HIVEP1: variants seen among roughly 807,000 people sequenced by gnomAD.
HIVEP1 encodes the protein zinc finger protein 40.
A neutral mutation model predicts 180.0 loss-of-function variants in HIVEP1; 36 were observed. The observed-to-expected ratio is 0.20, with a 90% CI of 0.15 to 0.26. The LOEUF is 0.26. HIVEP1 is among the 10% of genes least tolerant of loss of function. The pLI is 1.00. For missense variants in HIVEP1, 3,143 were observed against 3,268.7 expected (o/e 0.96, Z 0.94); for synonymous variants, 1,239 against 1,239.0 (o/e 1.00, Z 0.00).
chr6:12,032,697 A>G (rs1769034023), intron 2 of HIVEP1, among the ~76,000 whole-genome samples: 1 of 152,194 alleles, frequency 6.6e-6, no homozygotes, highest in South Asian at 2.1e-4. Context: ...GTAGCTATTC[A>G]GCAAACGTTT....
intron 3 of HIVEP1, among the ~76,000 whole-genome samples, chr6:12,111,079 C>A (rs1022593420): frequency 1.1e-4 from 17 of 152,178 alleles, no homozygotes; most frequent in Admixed American, 6.5e-4. Flanking sequence ...TACTGTGTTA[C>A]ATGGGCACAA....
Position 12,042,382 on chromosome 6 carries a change from C to CTTT in HIVEP1, c.40+26728_40+26730dup, listed in dbSNP as rs11317475. Reference sequence around the variant, plus strand: ...AGGCGTGAGCCACCGCACCCGGCCGCTTTTTTTTTTTTTTTTGAGACAGAG... The same window carrying CTTT: ...AGGCGTGAGCCACCGCACCCGGCCGCTTTTTTTTTTTTTTTTTTTGAGACAGAG... On this transcript the variant is annotated intron_variant, in intron 2 of 8. Coordinates refer to ENST00000379388, the MANE Select transcript of HIVEP1 (RefSeq NM_002114.4). Among the ~76,000 whole-genome samples the CTTT allele has an allele frequency of 1.8e-4, 24 of 133,402 alleles. No individual in the cohort carries two copies. The South Asian group carries it at 3.4e-3, about 19-fold the overall frequency. The allele number at this position is 133,402 out of a possible 152,430, so 87.5% of individuals were successfully genotyped here.
intron 7 of HIVEP1, among the ~76,000 whole-genome samples, chr6:12,147,079 G>T (rs578211012): frequency 5.9e-5 from 9 of 152,258 alleles, no homozygotes; most frequent in Non-Finnish European, 1.2e-4. Flanking sequence ...GAGGAATAGG[G>T]TATAAGAGTG....
Position 12,120,683 on chromosome 6 carries a change from A to G in HIVEP1, c.888A>G (p.Gln296=). ...AACACTTTGTTCCCAAATCCAACCA[A>G]CATAATCAACAGCTTCCGGGGTGTT... ...QHEHFVPKSN[Q]HNQQLPGCSG... is the part of the protein sequence containing the mutation. Residue 296 remains glutamine, a synonymous_variant, in exon 4 of 9, where the codon CAA becomes CAG. Transcript: ENST00000379388. 1 of 1,614,154 alleles carries G rather than the reference A, an allele frequency of 6.2e-7. No individual in the cohort carries two copies. Among genetic ancestry groups the G allele is most frequent in the Non-Finnish European group, 8.5e-7 (1 of 1,180,026 alleles).
At chr6:12,100,289 G>T (rs778124216) in intron 3 of HIVEP1, among the ~76,000 whole-genome samples, 10 of 152,290 alleles carry the variant, frequency 6.6e-5, no homozygotes, top group Non-Finnish European at 1.2e-4. Flanking sequence ...GCTTAGAGGG[G>T]TTGGTTGGGG....
At chr6:12,137,361 G>T (rs1280187609) in intron 7 of HIVEP1, among the ~76,000 whole-genome samples, 1 of 152,120 alleles carries the variant, frequency 6.6e-6, no homozygotes, top group Admixed American at 6.5e-5. Flanking sequence ...TTGCATAGGA[G>T]AATTATAGTT....
intron 3 of HIVEP1, among the ~76,000 whole-genome samples, chr6:12,095,576 T>G (rs1256133533): frequency 4.6e-5 from 7 of 151,586 alleles, no homozygotes; most frequent in Non-Finnish European, 7.4e-5. Context: ...TTAATTGTTT[T>G]TTAAAACCAT....
intron 7 of HIVEP1, among the ~76,000 whole-genome samples, chr6:12,146,355 A>G (rs1228956551): frequency 6.6e-6 from 1 of 152,206 alleles, no homozygotes; most frequent in Non-Finnish European, 1.5e-5. Flanking sequence ...AGGCAAGAGA[A>G]TTGCTTGAAC....
At chr6:12,194,018 C>G in the HIVEP1 span, among the ~76,000 whole-genome samples, 1 of 151,412 alleles carries the variant, frequency 6.6e-6, no homozygotes. Context: ...GTACATGTGG[C>G]AATTGAGTCC....
At chr6:12,173,735 C>T in the HIVEP1 span, among the ~76,000 whole-genome samples, 1 of 152,280 alleles carries the variant, frequency 6.6e-6, no homozygotes, top group African/African-American at 2.4e-5. Context: ...AGACATCTTT[C>T]ATTCATTTGT....
intron 3 of HIVEP1, among the ~76,000 whole-genome samples, chr6:12,116,819 A>C (rs1170855756): frequency 6.6e-6 from 1 of 152,226 alleles, no homozygotes; most frequent in Non-Finnish European, 1.5e-5. Context: ...AGACAGGCCC[A>C]AATTCTGCCT....
intron 3 of HIVEP1, among the ~76,000 whole-genome samples, chr6:12,097,028 G>C (rs1460331381): frequency 6.6e-6 from 1 of 152,020 alleles, no homozygotes; most frequent in African/African-American, 2.4e-5. Flanking sequence ...GGAAAGGCTA[G>C]TATAGTATTT....
At chr6:12,098,081 T>C (rs185977885) in intron 3 of HIVEP1, among the ~76,000 whole-genome samples, 3 of 152,326 alleles carry the variant, frequency 2.0e-5, no homozygotes, top group Admixed American at 2.0e-4. Context: ...AGATGCACAA[T>C]GATTTTATGC....
chr6:12,017,702 A>T (rs192617450), intron 2 of HIVEP1, among the ~76,000 whole-genome samples: 1 of 152,346 alleles, frequency 6.6e-6, no homozygotes, highest in African/African-American at 2.4e-5. Flanking sequence ...AGCTAGACAC[A>T]AAAGTTCTCC....
At chr6:12,093,557 A>T (rs1773616881) in intron 3 of HIVEP1, among the ~76,000 whole-genome samples, 1 of 151,662 alleles carries the variant, frequency 6.6e-6, no homozygotes, top group Non-Finnish European at 1.5e-5. Flanking sequence ...AAATATACCT[A>T]GTTTTTTAAT....
intron 7 of HIVEP1, among the ~76,000 whole-genome samples, chr6:12,145,438 A>G (rs767958862): frequency 6.6e-6 from 1 of 151,924 alleles, no homozygotes; most frequent in Non-Finnish European, 1.5e-5. Flanking sequence ...TTATGGGTGC[A>G]GCAAACCAAC....
intron 2 of HIVEP1, among the ~76,000 whole-genome samples, chr6:12,084,386 T>C (rs1344301958): frequency 6.6e-6 from 1 of 152,138 alleles, no homozygotes; most frequent in East Asian, 1.9e-4. Flanking sequence ...TCCAGCGGTA[T>C]TTGAGATGTG....
At chr6:12,103,640 T>A (rs1774239640) in intron 3 of HIVEP1, among the ~76,000 whole-genome samples, 2 of 152,286 alleles carry the variant, frequency 1.3e-5, no homozygotes, top group African/African-American at 4.8e-5. Context: ...AAATTTAATA[T>A]ACGTTACTTG....
At chr6:12,160,907 C>T (rs1760357245) in intron 7 of HIVEP1, among the ~76,000 whole-genome samples, 1 of 152,162 alleles carries the variant, frequency 6.6e-6, no homozygotes, top group African/African-American at 2.4e-5. Flanking sequence ...GCCCACATTC[C>T]TCAGATAAAA....
Sources: gnomAD v4.1 joint callset for allele counts (sites outside exome capture counted in the v4.1 genomes callset) on GRCh38, gnomAD v4.1.1 for gene constraint, MANE v1.5 for transcripts, NCBI Gene and HGNC (gene_info 2026-07-23, HGNC 2026-07-21) for gene names.